MIA3: variants seen among roughly 807,000 people sequenced by gnomAD.
The protein encoded by MIA3 is MIA SH3 domain ER export factor 3.
Under a neutral mutation model 192.4 loss-of-function variants are expected in MIA3, and 90 were observed. That is an observed-to-expected ratio of 0.47 (90% CI 0.39 to 0.56). The LOEUF is 0.56. MIA3 is among the 20% of genes least tolerant of loss of function. MIA3 has a pLI of 0.00. For synonymous variants in MIA3, 740 were observed against 792.8 expected (o/e 0.93, Z 1.12); for missense variants, 2,123 against 2,269.4 (o/e 0.94, Z 1.31).
intron 6 of MIA3, among the ~76,000 whole-genome samples, chr1:222,637,764 C>T (rs1662695302): frequency 6.7e-6 from 1 of 150,008 alleles, no homozygotes; most frequent in South Asian, 2.1e-4. Context: ...GATCATGGCT[C>T]ACTGCAGCCT....
intron 26 of MIA3, among the ~76,000 whole-genome samples, chr1:222,663,509 T>C: frequency 6.6e-6 from 1 of 152,218 alleles, no homozygotes; most frequent in African/African-American, 2.4e-5. Flanking sequence ...AAGATGGTCC[T>C]ATTACAGATT....
At chr1:222,655,775 G>A (rs1350554460) in intron 18 of MIA3, among the ~76,000 whole-genome samples, 1 of 152,126 alleles carries the variant, frequency 6.6e-6, no homozygotes, top group South Asian at 2.1e-4. Flanking sequence ...AATGGCAACT[G>A]TTTTTCTTCG....
At chr1:222,619,362 A>T (rs1661757331) in intron 1 of MIA3, among the ~76,000 whole-genome samples, 1 of 152,218 alleles carries the variant, frequency 6.6e-6, no homozygotes, top group African/African-American at 2.4e-5. Flanking sequence ...AAACGTATTC[A>T]TTTTAAGAAG....
At chr1:222,658,345 A>G (rs1453575189) in intron 18 of MIA3, among the ~76,000 whole-genome samples, 1 of 152,186 alleles carries the variant, frequency 6.6e-6, no homozygotes, top group Non-Finnish European at 1.5e-5. Flanking sequence ...TGGTCTTTCC[A>G]TGGTTAGAAA....
chr1:222,623,302 A>G (rs1349159670), intron 2 of MIA3, among the ~76,000 whole-genome samples: 1 of 150,014 alleles, frequency 6.7e-6, no homozygotes, highest in Non-Finnish European at 1.5e-5. Flanking sequence ...TGGTCAAATC[A>G]TAAGAAATGA....
chr1:222,654,859 G>C, intron 18 of MIA3, 66 bp downstream of exon 18: 1 of 1,304,130 alleles, frequency 7.7e-7, no homozygotes, highest in Non-Finnish European at 1.1e-6. Context: ...TACTAATATA[G>C]ATAATGTTAT....
At chr1:222,641,636 C>T (rs1388697351) in intron 6 of MIA3, 3 of 532,446 alleles carry the variant, frequency 5.6e-6, no homozygotes, top group Middle Eastern at 4.5e-4. Flanking sequence ...TGTTCCACAT[C>T]ATGCAGCTTC....
chr1:222,621,155 A>G lies in MIA3; in HGVS notation c.134-4A>G, dbSNP rs771726561. ...CTATTTTTTTTCTCTCTCTTTATAT[A>G]CAGTGTTAATGTACCGCGGTGAGGC... On this transcript the variant is annotated splice_region_variant and splice_polypyrimidine_tract_variant and intron_variant, in intron 1 of 27. Transcript: ENST00000344922. The G allele has an allele frequency of 3.1e-6, 5 of 1,598,950 alleles. No homozygotes were observed. The highest frequency in any genetic ancestry group is 4.3e-6 in the Non-Finnish European group (5 of 1,175,430).
chr1:222,622,606 C>T (rs1661922505), intron 2 of MIA3, among the ~76,000 whole-genome samples: 1 of 152,218 alleles, frequency 6.6e-6, no homozygotes. Flanking sequence ...TCCCAAGTGA[C>T]TTGCTCCATA....
chr1:222,664,202 A>G, intron 27 of MIA3, 54 bp downstream of exon 27: 2 of 1,583,058 alleles, frequency 1.3e-6, no homozygotes, highest in Non-Finnish European at 1.7e-6. Flanking sequence ...CATCTTCTCC[A>G]TCTATCCCTT....
At position 222,652,250 on chromosome 1, in the gene MIA3, C is replaced by T. The variant is rs753294541; in HGVS notation, c.4004C>T (p.Ala1335Val). Residue 1335 changes from alanine (A) to valine (V), a missense_variant, in exon 13 of 28, where the codon GCT (alanine) becomes GTT (valine). Coordinates refer to ENST00000344922, the MANE Select transcript of MIA3 (RefSeq NM_198551.4). The stretch of plus-strand genomic sequence containing the variant: ...TAGGTTCAGATTGCACTTAATGAAG[C>T]TAAGCTTAGTGAAGAGAAGGTGAAG... ...FSEVQIALNEAKLSEEKVKSE... is the reference protein window; with the variant it reads ...FSEVQIALNEVKLSEEKVKSE... 6.2e-7 allele frequency: 1 copy of T among 1,613,240 alleles called. No individual in the cohort carries two copies. Among genetic ancestry groups the T allele is most frequent in the Admixed American group, 1.7e-5 (1 of 60,012 alleles).
intron 1 of MIA3, among the ~76,000 whole-genome samples, chr1:222,620,528 T>C (rs1490725297): frequency 6.6e-6 from 1 of 152,240 alleles, no homozygotes. Context: ...ATTGAATCTA[T>C]AGTAGGGTGT....
At position 222,628,419 on chromosome 1, in the gene MIA3, C is replaced by T. The variant is rs199626793; in HGVS notation, c.1199C>T (p.Thr400Met). ...IVTGGEETRD[T>M]MDLESSSSEE... Reference sequence around the variant, plus strand: ...ACAGGAGGTGAAGAAACAAGAGATACGATGGATTTAGAGAGCTCTAGTTCA... The same window carrying T: ...ACAGGAGGTGAAGAAACAAGAGATATGATGGATTTAGAGAGCTCTAGTTCA... The change falls in exon 4 of 28, where the codon ACG becomes ATG. Residue 400 changes from threonine to methionine, a missense_variant. Coordinates refer to ENST00000344922, the MANE Select transcript of MIA3 (RefSeq NM_198551.4). 238 of 1,613,802 alleles carry T rather than the reference C, an allele frequency of 1.5e-4. 2 individuals are homozygous for T. In the South Asian group the frequency reaches 2.4e-3, roughly 16 times the overall value.
Position 222,667,258 on chromosome 1 carries a change from A to C in MIA3, c.*1639A>C, listed in dbSNP as rs1428852626. 6.6e-6 allele frequency: 1 copy of C among 152,228 alleles called. No individual in the cohort carries two copies. Among genetic ancestry groups the C allele is most frequent in the Non-Finnish European group, 1.5e-5 (1 of 68,032 alleles). 9.4% of individuals were successfully genotyped at this position (152,228 alleles called of 1,614,324 possible). A position where few individuals can be genotyped will look rare whatever the true frequency, so the allele number is the denominator to read the frequency against. ...ATTCAATCTATATGTCCTCCCGTTT[A>C]ATATCAAGAATAGAAGAAATTAAGA... On this transcript the variant is annotated 3_prime_UTR_variant, in exon 28 of 28. Coordinates refer to ENST00000344922, the MANE Select transcript of MIA3 (RefSeq NM_198551.4).
intron 26 of MIA3, among the ~76,000 whole-genome samples, chr1:222,663,627 C>CA (rs1277205747): frequency 3.3e-5 from 5 of 152,150 alleles, no homozygotes; most frequent in Non-Finnish European, 7.3e-5. Context: ...TCATTCTCTG[C>CA]ATTCTTAATA....
chr1:222,619,938 ATAT>A (rs1219895696), intron 1 of MIA3, among the ~76,000 whole-genome samples: 2 of 152,340 alleles, frequency 1.3e-5, no homozygotes, highest in East Asian at 1.9e-4. Flanking sequence ...GGCATCTCAA[ATAT>A]TATTATAAAT....
At chr1:222,639,932 A>G (rs1376071473) in intron 6 of MIA3, among the ~76,000 whole-genome samples, 1 of 152,118 alleles carries the variant, frequency 6.6e-6, no homozygotes, top group African/African-American at 2.4e-5. Flanking sequence ...AATAAGTAAA[A>G]TTGTCTTTTT....
At chr1:222,644,265 C>G (rs1571886244) in intron 6 of MIA3, 1 of 1,380,774 alleles carries the variant, frequency 7.2e-7, no homozygotes, top group East Asian at 2.9e-5. Context: ...CGGCCGGCTC[C>G]TTTGGTGCCT....
At chr1:222,650,422 C>T (rs777505426) in intron 9 of MIA3, 42 bp downstream of exon 9, 2 of 1,111,978 alleles carry the variant, frequency 1.8e-6, no homozygotes, top group Non-Finnish European at 2.6e-6. Context: ...ATGGTCCCAG[C>T]TTGAATTATT....
Sources: allele counts gnomAD v4.1 joint callset (sites outside exome capture counted in the v4.1 genomes callset), GRCh38; gene constraint gnomAD v4.1.1; transcripts MANE v1.5; gene names NCBI Gene and HGNC (gene_info 2026-07-23, HGNC 2026-07-21).